The following EZH2 variants were observed in gnomAD, a reference collection of about 807,000 sequenced individuals.
EZH2 encodes the protein enhancer of zeste 2 polycomb repressive complex 2 subunit.
In EZH2, 18 loss-of-function variants were observed where a neutral mutation model predicts 98.4. That is an observed-to-expected ratio of 0.18 (90% CI 0.13 to 0.27). The LOEUF (loss-of-function observed/expected upper bound fraction) is 0.27. Among genes scored for constraint, EZH2 ranks in the 10% least tolerant of loss-of-function variants. The pLI, the probability that EZH2 is intolerant of heterozygous loss-of-function variation, is 1.00. For missense variants in EZH2, 470 were observed against 935.1 expected (o/e 0.50, Z 6.49); for synonymous variants, 338 against 312.3 (o/e 1.08, Z -0.87).
intron 1 of EZH2, among the ~76,000 whole-genome samples, chr7:148,856,585 G>C (rs1267768741): frequency 6.6e-6 from 1 of 152,170 alleles, no homozygotes. Context: ...CAAGGAAGCA[G>C]GGTCTGCAGA....
In EZH2 at chr7:148,807,589, C is replaced by T. The variant is rs148678300; in HGVS notation, c.*57G>A. 21 of 1,395,980 alleles carry T rather than the reference C, an allele frequency of 1.5e-5. No individual in the cohort carries two copies. The East Asian group carries it at 2.9e-4, about 19-fold the overall frequency. The allele number at this position is 1,395,980 out of a possible 1,614,324, so 86.5% of individuals were successfully genotyped here. A position where few individuals can be genotyped will look rare whatever the true frequency, so the allele number is the denominator to read the frequency against. ...CTTTTTCTAAATTGCCCACAGTACTCGAGGTTCCTGAAGCTAAGGCAGCTG... is the reference window on the plus strand; with the variant it reads ...CTTTTTCTAAATTGCCCACAGTACTTGAGGTTCCTGAAGCTAAGGCAGCTG... On this transcript the variant is annotated 3_prime_UTR_variant, in exon 20 of 20. Coordinates refer to ENST00000320356, the MANE Select transcript of EZH2 (RefSeq NM_004456.5).
At chr7:148,827,034 C>G in intron 7 of EZH2, 130 bp downstream of exon 7, 1 of 651,306 alleles carries the variant, frequency 1.5e-6, no homozygotes, top group Non-Finnish European at 2.6e-6. Context: ...CATGTTGCTT[C>G]AAGTATCTTG....
intron 19 of EZH2, among the ~76,000 whole-genome samples, chr7:148,808,729 T>C (rs189019284): frequency 6.6e-5 from 10 of 152,176 alleles, no homozygotes; most frequent in South Asian, 4.1e-4. Flanking sequence ...GAAAAATCTA[T>C]AGGACAGTGT....
intron 3 of EZH2, among the ~76,000 whole-genome samples, chr7:148,843,665 G>A (rs1357132357): frequency 3.2e-5 from 4 of 123,190 alleles, no homozygotes; most frequent in Admixed American, 1.1e-4. Flanking sequence ...GCGCGATCTC[G>A]GCTCACTGCA....
intron 19 of EZH2, among the ~76,000 whole-genome samples, chr7:148,808,376 A>T (rs937941951): frequency 6.6e-6 from 1 of 152,232 alleles, no homozygotes; most frequent in Non-Finnish European, 1.5e-5. Context: ...ATGCAAGAAC[A>T]CAGTACTCAA....
chr7:148,847,812 T>C (rs1419557640), intron 1 of EZH2, among the ~76,000 whole-genome samples: 1 of 152,180 alleles, frequency 6.6e-6, no homozygotes, highest in Non-Finnish European at 1.5e-5. Flanking sequence ...AGGTACTCTC[T>C]CCCCACACAC....
intron 1 of EZH2, among the ~76,000 whole-genome samples, chr7:148,874,151 C>A (rs1819857753): frequency 6.6e-6 from 1 of 152,130 alleles, no homozygotes; most frequent in Non-Finnish European, 1.5e-5. Flanking sequence ...TTTGGGAGGC[C>A]AAGATGGGAA....
At chr7:148,876,856 T>C (rs1273358246) in intron 1 of EZH2, among the ~76,000 whole-genome samples, 6 of 152,158 alleles carry the variant, frequency 3.9e-5, no homozygotes, top group African/African-American at 1.4e-4. Flanking sequence ...TTAAAAGTGT[T>C]AACGTTTCCA....
chr7:148,850,073 C>T (rs920327567), intron 1 of EZH2, among the ~76,000 whole-genome samples: 6 of 152,086 alleles, frequency 3.9e-5, no homozygotes, highest in Admixed American at 2.0e-4. Context: ...AGCTGGAGTG[C>T]GGTGGTGCAA....
intron 1 of EZH2, among the ~76,000 whole-genome samples, chr7:148,865,696 T>C: frequency 6.6e-6 from 1 of 152,210 alleles, no homozygotes; most frequent in East Asian, 1.9e-4. Context: ...ATGGGTAACT[T>C]TGCCTACATG....
At chr7:148,825,010 A>C (rs1807285869) in intron 8 of EZH2, among the ~76,000 whole-genome samples, 1 of 152,198 alleles carries the variant, frequency 6.6e-6, no homozygotes, top group Non-Finnish European at 1.5e-5. Context: ...ACAATAAAAA[A>C]CTTGTAATGT....
At chr7:148,844,572 T>C (rs1211396277) in intron 3 of EZH2, among the ~76,000 whole-genome samples, 7 of 152,214 alleles carry the variant, frequency 4.6e-5, no homozygotes, top group Non-Finnish European at 8.8e-5. Flanking sequence ...CCCCATACTC[T>C]GTGAAAATGT....
chr7:148,881,993 CACACACAT>C (rs887693976), intron 1 of EZH2, among the ~76,000 whole-genome samples: 1 of 148,908 alleles, frequency 6.7e-6, no homozygotes, highest in African/African-American at 2.5e-5. Flanking sequence ...CACACACACA[CACACACAT>C]ATGTATCCTA....
intron 6 of EZH2, among the ~76,000 whole-genome samples, chr7:148,827,856 G>A (rs986638288): frequency 5.9e-5 from 9 of 152,268 alleles, no homozygotes; most frequent in South Asian, 4.1e-4. Flanking sequence ...AGTGGCTCAC[G>A]CCTGTAATCC....
chr7:148,811,442 C>G (rs1022819361), intron 16 of EZH2, among the ~76,000 whole-genome samples, 183 bp downstream of exon 16: 5 of 152,142 alleles, frequency 3.3e-5, no homozygotes, highest in Non-Finnish European at 4.4e-5. Flanking sequence ...TCGGCCACCG[C>G]GCCCAGCACA....
intron 1 of EZH2, among the ~76,000 whole-genome samples, chr7:148,851,320 C>T (rs1428147764): frequency 2.6e-5 from 4 of 152,048 alleles, no homozygotes; most frequent in Non-Finnish European, 4.4e-5. Context: ...ACTCAGTTTC[C>T]GGAATTTCTT....
chr7:148,810,197 G>A (rs1802640174), intron 17 of EZH2, 136 bp downstream of exon 17: 2 of 547,258 alleles, frequency 3.7e-6, no homozygotes, highest in Non-Finnish European at 6.7e-6. Context: ...TTTCAAGCAA[G>A]CAGCCCCCCA....
chr7:148,851,465 C>A (rs567010977), intron 1 of EZH2, among the ~76,000 whole-genome samples: 1 of 152,272 alleles, frequency 6.6e-6, no homozygotes, highest in East Asian at 1.9e-4. Flanking sequence ...TAGATGTTAG[C>A]TCCCCTGACC....
At chr7:148,836,100 T>C (rs1217721658) in intron 3 of EZH2, among the ~76,000 whole-genome samples, 1 of 152,222 alleles carries the variant, frequency 6.6e-6, no homozygotes, top group African/African-American at 2.4e-5. Flanking sequence ...CAAAAGCAGC[T>C]GAGCCAAGTG....
Sources: allele counts gnomAD v4.1 joint callset (sites outside exome capture counted in the v4.1 genomes callset), GRCh38; gene constraint gnomAD v4.1.1; transcripts MANE v1.5; gene names NCBI Gene and HGNC (gene_info 2026-07-23, HGNC 2026-07-21).